RELCH: variants seen among roughly 807,000 people sequenced by gnomAD.
The protein encoded by RELCH is RAB11 binding and LisH domain, coiled-coil and HEAT repeat containing, also known as RAB11-binding protein RELCH.
A neutral mutation model predicts 150.3 loss-of-function variants in RELCH; 41 were observed. The ratio of observed to expected loss-of-function variants is 0.27; its 90% confidence interval spans 0.21 to 0.35. The LOEUF (loss-of-function observed/expected upper bound fraction) is 0.35, where lower values mean the gene tolerates loss of function less well. Among genes scored for constraint, RELCH ranks in the 10% least tolerant of loss-of-function variants. RELCH has a pLI of 1.00. For synonymous variants in RELCH, 478 were observed against 531.8 expected, an observed-to-expected ratio of 0.90 and a Z score of 1.39; for missense variants, 1,092 against 1,467.8, an observed-to-expected ratio of 0.74 and a Z score of 4.18.
At chr18:62,189,773 C>T (rs2038482954) in intron 1 of RELCH, among the ~76,000 whole-genome samples, 1 of 152,216 alleles carries the variant, frequency 6.6e-6, no homozygotes. Context: ...AATAGTTTAG[C>T]AGTGTTTTAG....
In RELCH at chr18:62,309,381, C is replaced by T. The variant is rs973214173; in HGVS notation, c.*3847C>T. On this transcript the variant is annotated 3_prime_UTR_variant, in exon 29 of 29. Transcript: ENST00000644646. ...TGTATGCATTTTGTGTGTGAGCCTA[C>T]ACTGTGATCACAGTCTCCAAGTGGC... The T allele has an allele frequency of 2.0e-5, 3 of 152,122 alleles. No homozygotes were observed. The highest frequency in any genetic ancestry group is 7.2e-5 in the African/African-American group (3 of 41,432). The allele number at this position is 152,122 out of a possible 1,614,324, so 9.4% of individuals were successfully genotyped here. A position where few individuals can be genotyped will look rare whatever the true frequency, so the allele number is the denominator to read the frequency against.
chr18:62,212,489 C>G (rs776315238), intron 2 of RELCH, among the ~76,000 whole-genome samples: 4 of 152,196 alleles, frequency 2.6e-5, no homozygotes, highest in Admixed American at 6.5e-5. Context: ...TTTTGACCAA[C>G]TCTGTTGAAT....
chr18:62,200,249 T>C (rs754449254), intron 1 of RELCH, among the ~76,000 whole-genome samples: 1 of 152,206 alleles, frequency 6.6e-6, no homozygotes, highest in African/African-American at 2.4e-5. Context: ...AGTAAGCCAA[T>C]TGTATTATTG....
intron 10 of RELCH, among the ~76,000 whole-genome samples, chr18:62,242,065 C>T (rs1020995889): frequency 1.3e-5 from 2 of 152,100 alleles, no homozygotes; most frequent in Non-Finnish European, 2.9e-5. Context: ...CTTACTGGAC[C>T]TCTTCTCAGC....
At position 62,187,800 on chromosome 18, in the gene RELCH, G is replaced by A; in HGVS notation, c.295G>A (p.Ala99Thr). 6.2e-7 allele frequency: 1 copy of A among 1,600,474 alleles called. No homozygotes were observed. Among genetic ancestry groups the A allele is most frequent in the Non-Finnish European group, 8.5e-7 (1 of 1,173,280 alleles). The change falls in exon 1 of 29, where the codon GCT becomes ACT. Residue 99 changes from alanine (A) to threonine (T), a missense_variant. Physicochemically the swap from Ala to Thr is moderately conservative, Grantham distance 58 (BLOSUM62 0). This residue lies in a region of RELCH where 190 missense variants were observed against 276.2 expected (regional missense o/e 0.69). Transcript: ENST00000644646. ...PARLSIDAIA[A>T]QLLRDQYLLT... ...CCGATTATCAATTGATGCGATCGCT[G>A]CTCAGCTGTTGCGCGATCAATACTT...
intron 22 of RELCH, among the ~76,000 whole-genome samples, chr18:62,276,884 A>G (rs1055638107): frequency 2.0e-5 from 3 of 152,266 alleles, no homozygotes; most frequent in Admixed American, 2.0e-4. Context: ...CCTTCTGGAT[A>G]TAAATCGTTT....
In RELCH at chr18:62,306,199, TC is replaced by T. The variant is rs2045873679; in HGVS notation, c.*669del. On this transcript the variant is annotated 3_prime_UTR_variant, in exon 29 of 29. Coordinates refer to ENST00000644646, the MANE Select transcript of RELCH (RefSeq NM_001346231.2). ...ATATTCTTTAAGTGCTATTTAAACC[TC>T]CCCAGCACTTAGATGCATATAATGG... 1 of 152,292 alleles carries T rather than the reference TC, an allele frequency of 6.6e-6. No individual in the cohort carries two copies. The highest frequency in any genetic ancestry group is 2.1e-4 in the South Asian group (1 of 4,830). The allele number at this position is 152,292 out of a possible 1,614,324, so 9.4% of individuals were successfully genotyped here.
At chr18:62,262,392 G>A (rs747277172) in intron 16 of RELCH, among the ~76,000 whole-genome samples, 1 of 152,052 alleles carries the variant, frequency 6.6e-6, no homozygotes, top group Non-Finnish European at 1.5e-5. Flanking sequence ...TCTTACTGGT[G>A]TCTAATGGAC....
intron 2 of RELCH, among the ~76,000 whole-genome samples, chr18:62,220,205 A>C (rs925070527): frequency 2.0e-5 from 3 of 152,080 alleles, no homozygotes; most frequent in African/African-American, 7.2e-5. Flanking sequence ...GTTATCAGAA[A>C]CTTTGAAATT....
chr18:62,219,787 G>A (rs1474714983), intron 2 of RELCH, among the ~76,000 whole-genome samples: 1 of 151,978 alleles, frequency 6.6e-6, no homozygotes, highest in East Asian at 1.9e-4. Context: ...TACTAGATGT[G>A]ATTCAATTAC....
chr18:62,257,299 G>T (rs963465703), intron 13 of RELCH, among the ~76,000 whole-genome samples: 1 of 152,016 alleles, frequency 6.6e-6, no homozygotes, highest in African/African-American at 2.4e-5. Flanking sequence ...ACAGCAGTGG[G>T]TGTACATTAT....
At chr18:62,190,295 T>G (rs578210956) in intron 1 of RELCH, among the ~76,000 whole-genome samples, 1 of 152,220 alleles carries the variant, frequency 6.6e-6, no homozygotes, top group African/African-American at 2.4e-5. Flanking sequence ...ATACAGAACA[T>G]CGGCAGGGTG....
chr18:62,255,021 A>G (rs2077656762), intron 12 of RELCH, among the ~76,000 whole-genome samples: 1 of 152,160 alleles, frequency 6.6e-6, no homozygotes. Context: ...AGACTGGCAC[A>G]TATTATAGAC....
chr18:62,299,206 G>T (rs779461544), intron 28 of RELCH, among the ~76,000 whole-genome samples: 1 of 152,270 alleles, frequency 6.6e-6, no homozygotes, highest in East Asian at 1.9e-4. Flanking sequence ...CTTGTGACAG[G>T]AGTTGTAAGA....
intron 1 of RELCH, among the ~76,000 whole-genome samples, chr18:62,201,224 C>T (rs748966181): frequency 2.0e-5 from 3 of 152,046 alleles, no homozygotes; most frequent in African/African-American, 4.8e-5. Flanking sequence ...CCGCCTGCCT[C>T]GGCCTCCCAA....
At chr18:62,212,997 T>C (rs988241149) in intron 2 of RELCH, among the ~76,000 whole-genome samples, 2 of 152,352 alleles carry the variant, frequency 1.3e-5, no homozygotes, top group Admixed American at 6.5e-5. Context: ...AATAGTTTAA[T>C]GTGGCTCTCC....
At chr18:62,293,262 G>A (rs1178931937) in intron 27 of RELCH, among the ~76,000 whole-genome samples, 1 of 152,172 alleles carries the variant, frequency 6.6e-6, no homozygotes, top group Non-Finnish European at 1.5e-5. Flanking sequence ...GATATATTAA[G>A]AGATTTATTT....
At chr18:62,251,291 G>T (rs547583641) in intron 11 of RELCH, among the ~76,000 whole-genome samples, 1 of 152,316 alleles carries the variant, frequency 6.6e-6, no homozygotes, top group East Asian at 1.9e-4. Flanking sequence ...CTGGAGAAGG[G>T]ATTTAGCTGG....
At chr18:62,293,362 G>T (rs2045249978) in intron 27 of RELCH, among the ~76,000 whole-genome samples, 1 of 152,158 alleles carries the variant, frequency 6.6e-6, no homozygotes, top group Admixed American at 6.6e-5. Context: ...AGGAATTGAT[G>T]TTTCAGGCTT....
Sources: gnomAD v4.1 joint callset for allele counts (sites outside exome capture counted in the v4.1 genomes callset) on GRCh38, gnomAD v4.1.1 for gene constraint, gnomAD v4.1.1 regional missense constraint, MANE v1.5 for transcripts, NCBI Gene and HGNC (gene_info 2026-07-23, HGNC 2026-07-21) for gene names.